Variants in RBFOX1 observed in about 807,000 individuals in gnomAD.
RBFOX1 encodes the protein RNA binding protein fox-1 homolog 1.
RBFOX1 carries 8 observed loss-of-function variants against 57.7 expected under a neutral mutation model. The ratio of observed to expected loss-of-function variants is 0.14; its 90% CI spans 0.08 to 0.25. The LOEUF is 0.25. Among genes scored for constraint, RBFOX1 ranks in the 10% least tolerant of loss-of-function variants. The probability of loss-of-function intolerance (pLI) is 1.00; values close to 1 mark genes in which losing one functional copy is unlikely to be tolerated. For missense variants in RBFOX1, 611 were observed against 548.5 expected, an observed-to-expected ratio of 1.11 and a Z score of -1.14; for synonymous variants, 326 against 222.4, an observed-to-expected ratio of 1.47 and a Z score of -4.15.
At position 7,121,979 on chromosome 16, in the gene RBFOX1, T is replaced by A. The variant is rs79271799; in HGVS notation, c.27+69881T>A. Among the ~76,000 whole-genome samples, 1,040 of 152,204 alleles carry A rather than the reference T, an allele frequency of 6.8e-3. 5 individuals are homozygous for A. Among genetic ancestry groups the A allele is most frequent in the African/African-American group, 0.024 (988 of 41,580 alleles). On this transcript the variant is annotated intron_variant, in intron 4 of 15. Transcript: ENST00000550418. ...AATAATTGCAAACACATTTGCCAAA[T>A]CATATGCTTTACAAAAAAATTAACT...
intron 2 of RBFOX1, among the ~76,000 whole-genome samples, chr16:6,546,773 A>T (rs2096902285): frequency 6.6e-6 from 1 of 152,184 alleles, no homozygotes; most frequent in African/African-American, 2.4e-5. Flanking sequence ...CCCCTAGCGG[A>T]TACATATCCT....
intron 3 of RBFOX1, among the ~76,000 whole-genome samples, chr16:7,031,957 T>C (rs1174436914): frequency 1.3e-5 from 2 of 152,126 alleles, no homozygotes; most frequent in African/African-American, 4.8e-5. Context: ...GGGATGGACT[T>C]CCTCGTTATT....
chr16:5,491,987 G>A (rs2042848901), intron 2 of RBFOX1, among the ~76,000 whole-genome samples: 1 of 152,190 alleles, frequency 6.6e-6, no homozygotes, highest in Non-Finnish European at 1.5e-5. Flanking sequence ...TGAGTCTAGT[G>A]TGTGGCCAGG....
At chr16:6,044,079 C>G (rs2095470567) in intron 1 of RBFOX1, among the ~76,000 whole-genome samples, 1 of 152,132 alleles carries the variant, frequency 6.6e-6, no homozygotes, top group Non-Finnish European at 1.5e-5. Context: ...TTAACTAATC[C>G]TAATTTGAGT....
chr16:6,758,014 T>A (rs930677647), intron 3 of RBFOX1, among the ~76,000 whole-genome samples: 18 of 152,298 alleles, frequency 1.2e-4, no homozygotes, highest in African/African-American at 3.4e-4. Flanking sequence ...CTCTATTACA[T>A]TGAACTGTCA....
At chr16:5,372,977 C>T (rs2065897926) in intron 1 of RBFOX1, among the ~76,000 whole-genome samples, 1 of 152,248 alleles carries the variant, frequency 6.6e-6, no homozygotes, top group Non-Finnish European at 1.5e-5. Flanking sequence ...AGGCTAGCTT[C>T]TGTCTCATCT....
At chr16:5,401,764 T>TCTCTTCCTC (rs1555508912) in intron 1 of RBFOX1, among the ~76,000 whole-genome samples, 1 of 103,410 alleles carries the variant, frequency 9.7e-6, no homozygotes, top group East Asian at 2.8e-4. Flanking sequence ...TCCCTGTCTC[T>TCTCTTCCTC]CTCCTCCTCC....
At chr16:6,930,438 C>T (rs2076315922) in intron 3 of RBFOX1, among the ~76,000 whole-genome samples, 1 of 152,152 alleles carries the variant, frequency 6.6e-6, no homozygotes, top group Non-Finnish European at 1.5e-5. Flanking sequence ...GAGAAACAGT[C>T]TCACTCTGTC....
At chr16:6,884,330 G>A (rs138113282) in intron 3 of RBFOX1, among the ~76,000 whole-genome samples, 58 of 152,232 alleles carry the variant, frequency 3.8e-4, no homozygotes, top group African/African-American at 7.2e-4. Flanking sequence ...ACCAGGGCTG[G>A]GGACCTGGCA....
intron 1 of RBFOX1, among the ~76,000 whole-genome samples, chr16:5,434,178 G>C (rs537638346): frequency 1.3e-5 from 2 of 152,248 alleles, no homozygotes; most frequent in African/African-American, 4.8e-5. Context: ...TGTTGTAAGA[G>C]TAAAACATTC....
intron 3 of RBFOX1, among the ~76,000 whole-genome samples, chr16:6,657,216 C>T (rs1368783752): frequency 1.3e-5 from 2 of 151,584 alleles, no homozygotes; most frequent in African/African-American, 2.4e-5. Context: ...TCCTTCCTCC[C>T]TCCTTCCTTC....
chr16:5,394,565 CTTTTT>C (rs35758196), intron 1 of RBFOX1, among the ~76,000 whole-genome samples: 2 of 134,260 alleles, frequency 1.5e-5, no homozygotes, highest in African/African-American at 5.6e-5. Flanking sequence ...TTCTTTCTGT[CTTTTT>C]TTTTTTTTTT....
chr16:5,496,453 C>G (rs889304595), intron 2 of RBFOX1, among the ~76,000 whole-genome samples: 8 of 152,118 alleles, frequency 5.3e-5, no homozygotes, highest in African/African-American at 1.9e-4. Context: ...GTGTCCATCT[C>G]AGAGAGGCCT....
intron 3 of RBFOX1, among the ~76,000 whole-genome samples, chr16:5,782,945 T>C (rs558046326): frequency 6.6e-6 from 1 of 152,170 alleles, no homozygotes; most frequent in African/African-American, 2.4e-5. Context: ...CCTCCATGGA[T>C]TGGATGACAT....
At chr16:7,488,523 A>G (rs2066024693) in intron 4 of RBFOX1, among the ~76,000 whole-genome samples, 1 of 152,008 alleles carries the variant, frequency 6.6e-6, no homozygotes, top group Non-Finnish European at 1.5e-5. Context: ...CTACCTATCT[A>G]CTATCTACCT....
chr16:6,878,583 A>G (rs1175506446), intron 3 of RBFOX1, among the ~76,000 whole-genome samples: 1 of 152,176 alleles, frequency 6.6e-6, no homozygotes, highest in Non-Finnish European at 1.5e-5. Context: ...ATCCTGACTG[A>G]CACATGCAGT....
intron 3 of RBFOX1, among the ~76,000 whole-genome samples, chr16:6,709,271 C>G (rs1038156760): frequency 6.6e-6 from 1 of 152,056 alleles, no homozygotes; most frequent in African/African-American, 2.4e-5. Context: ...TTATTTTAAG[C>G]ATCTAACTGT....
At chr16:5,640,664 A>G (rs932935734) in intron 3 of RBFOX1, among the ~76,000 whole-genome samples, 1 of 151,420 alleles carries the variant, frequency 6.6e-6, no homozygotes, top group African/African-American at 2.4e-5. Flanking sequence ...ATGCATACAC[A>G]TACATGCATA....
chr16:7,184,867 C>T (rs1262187826), intron 4 of RBFOX1, among the ~76,000 whole-genome samples: 7 of 152,104 alleles, frequency 4.6e-5, no homozygotes, highest in Non-Finnish European at 7.4e-5. Context: ...GTGTTACTAA[C>T]ACTATTAATA....
Sources: gnomAD v4.1 joint callset for allele counts (sites outside exome capture counted in the v4.1 genomes callset) on GRCh38, gnomAD v4.1.1 for gene constraint, MANE v1.5 for transcripts, NCBI Gene and HGNC (gene_info 2026-07-23, HGNC 2026-07-21) for gene names.